USP44: variants seen among roughly 807,000 people sequenced by gnomAD.
USP44 encodes ubiquitin specific peptidase 44.
Under a neutral mutation model 69.0 loss-of-function variants are expected in USP44, and 61 were observed. The ratio of observed to expected loss-of-function variants is 0.88; its 90% CI spans 0.72 to 1.09. USP44 has a LOEUF of 1.09. Among genes scored for constraint, USP44 ranks in the 50% least tolerant of loss-of-function variants. The pLI is 0.00. For missense variants in USP44, 753 were observed against 849.9 expected, an observed-to-expected ratio of 0.89 and a Z score of 1.42; for synonymous variants, 297 against 295.4, an observed-to-expected ratio of 1.01 and a Z score of -0.06.
In USP44 at chr12:95,543,983, A is replaced by G. The variant is rs546884200; in HGVS notation, c.-71+7289T>C. Among the ~76,000 whole-genome samples the G allele has an allele frequency of 1.1e-3, 170 of 148,992 alleles. 1 individual carries two copies. In the East Asian group the frequency reaches 0.024, roughly 21 times the overall value. Reference sequence around the variant, plus strand: ...CTGCATCTCAAAAAAAAAAAAAAAAAAAAAAAGAAAAAAACCCAAAACAAA... The same window carrying G: ...CTGCATCTCAAAAAAAAAAAAAAAAGAAAAAAGAAAAAAACCCAAAACAAA... On this transcript the variant is annotated intron_variant, in intron 1 of 5. Transcript: ENST00000258499.
chr12:95,529,869 GAT>G (rs1337374553), intron 2 of USP44, among the ~76,000 whole-genome samples: 2 of 152,048 alleles, frequency 1.3e-5, no homozygotes, highest in Non-Finnish European at 2.9e-5. Flanking sequence ...CAAAAGACAA[GAT>G]ATATGACATA....
At position 95,534,237 on chromosome 12, in the gene USP44, C is replaced by T; in HGVS notation, c.20G>A (p.Cys7Tyr). 1.9e-6 allele frequency: 3 copies of T among 1,610,884 alleles called. No homozygotes were observed. Among genetic ancestry groups the T allele is most frequent in the Non-Finnish European group, 2.5e-6 (3 of 1,177,658 alleles). ...AAGCTGCAGCTGCCCAACATGTTTG[C>T]ACGTATCCATTGCTAGCATTTATTT... MLAMDT[C>Y]KHVGQLQLAQ... Residue 7 changes from cysteine to tyrosine, a missense_variant, in exon 2 of 6, where the codon TGC (cysteine) becomes TAC (tyrosine). Cys to Tyr is a radical substitution (Grantham distance 194, BLOSUM62 -2). Coordinates refer to ENST00000258499, the MANE Select transcript of USP44 (RefSeq NM_032147.5).
intron 1 of USP44, chr12:95,548,000 CG>C (rs967228190): frequency 6.6e-6 from 1 of 152,150 alleles, no homozygotes; most frequent in African/African-American, 2.4e-5. Context: ...TAAATTTGAA[CG>C]TATTAACAGG....
At chr12:95,541,772 G>A (rs867390551) in intron 1 of USP44, among the ~76,000 whole-genome samples, 20 of 151,668 alleles carry the variant, frequency 1.3e-4, no homozygotes, top group Non-Finnish European at 2.4e-4. Context: ...TCATGTGCAC[G>A]CCAGCCAAAA....
rs780606094 is a variant in USP44, at chr12:95,548,618, G to A, written c.-71+2654C>T. On this transcript the variant is annotated intron_variant, in intron 1 of 5. Coordinates refer to ENST00000258499, the MANE Select transcript of USP44 (RefSeq NM_032147.5). The surrounding 1 kb of genome is among the most constrained non-coding windows in gnomAD (Gnocchi z 4.1). ...TCCCTTCCGCGCGCCCGCAGCCCCA[G>A]GCTCTCCCTCTCTCAGGACCCCCCA... The A allele has an allele frequency of 6.6e-6, 1 of 152,374 alleles. No individual in the cohort carries two copies. The highest frequency in any genetic ancestry group is 1.5e-5 in the Non-Finnish European group (1 of 68,434). 9.4% of individuals were successfully genotyped at this position (152,374 alleles called of 1,614,324 possible).
At chr12:95,545,189 T>C (rs148463885) in intron 1 of USP44, among the ~76,000 whole-genome samples, 79 of 152,012 alleles carry the variant, frequency 5.2e-4, no homozygotes, top group Middle Eastern at 3.4e-3. Context: ...GGAACACATA[T>C]ACATTCTAAC....
At position 95,518,367 on chromosome 12, in the gene USP44, C is replaced by A. The variant is rs2076543980; in HGVS notation, c.1940-14G>T. 6.2e-7 allele frequency: 1 copy of A among 1,612,646 alleles called. No homozygotes were observed. Among genetic ancestry groups the A allele is most frequent in the Admixed American group, 1.7e-5 (1 of 59,878 alleles). On this transcript the variant is annotated splice_polypyrimidine_tract_variant and intron_variant, in intron 5 of 5. Coordinates refer to ENST00000258499, the MANE Select transcript of USP44 (RefSeq NM_032147.5). ...GTACCCAGAACCCTAGAGTGAAGCA[C>A]AGAAATACATTTATGAAGGGACTTT...
rs540578599 is a variant in USP44 at position 95,520,205 on chromosome 12, A to C, written c.1939+792T>G. ...GTTCAACAGTAAGTATCAAAAGGGG[A>C]AGTAAGGCTGGGTGTGGTGGCTCAT... On this transcript the variant is annotated intron_variant, in intron 5 of 5. Transcript: ENST00000258499. 9.3e-5 allele frequency among the ~76,000 whole-genome samples: 14 copies of C among 151,298 alleles called. No individual in the cohort carries two copies. In the South Asian group the frequency reaches 1.5e-3, roughly 16 times the overall value.
intron 1 of USP44, among the ~76,000 whole-genome samples, chr12:95,539,238 T>G (rs1467873988): frequency 6.6e-6 from 1 of 151,806 alleles, no homozygotes; most frequent in Non-Finnish European, 1.5e-5. Flanking sequence ...TTTTGTTTTT[T>G]TTTTTGAGAC....
At chr12:95,543,406 C>CAAAAAAAAA (rs60127958) in intron 1 of USP44, among the ~76,000 whole-genome samples, 1 of 43,166 alleles carries the variant, frequency 2.3e-5, no homozygotes. Flanking sequence ...GACTCTTTCT[C>CAAAAAAAAA]AAAAAAAAAA....
At chr12:95,528,754 GTTTCTCTTTATCATTCCTAGGAAAGCA>G in intron 3 of USP44, 26 bp downstream of exon 3, 11 of 1,513,332 alleles carry the variant, frequency 7.3e-6, no homozygotes, top group Non-Finnish European at 9.8e-6. Context: ...TCTCATCTGC[GTTTCTCTTTATCATTCCTAGGAAAGCA>G]CCAAGAACAC....
rs145981912 is a variant in USP44 at position 95,526,521 on chromosome 12, G to A, written c.1625-1733C>T. 1.4e-4 allele frequency among the ~76,000 whole-genome samples: 22 copies of A among 152,236 alleles called. No individual in the cohort carries two copies. In the South Asian group the frequency reaches 1.7e-3, roughly 11 times the overall value. ...CAGGAGGCGGAGCTTGCAGTGAGCC[G>A]AGACTGTGCCACTGCACTCCAGCAT... On this transcript the variant is annotated intron_variant, in intron 3 of 5. Coordinates refer to ENST00000258499, the MANE Select transcript of USP44 (RefSeq NM_032147.5).
chr12:95,528,824 AC>A lies in USP44; in HGVS notation c.1606del (p.Val536TyrfsTer27). 6.2e-7 allele frequency: 1 copy of A among 1,613,898 alleles called. No individual in the cohort carries two copies. Among genetic ancestry groups the A allele is most frequent in the Non-Finnish European group, 8.5e-7 (1 of 1,179,972 alleles). On this transcript the variant is annotated frameshift_variant, in exon 3 of 6. Coordinates refer to ENST00000258499, the MANE Select transcript of USP44 (RefSeq NM_032147.5). LOFTEE classifies it high-confidence loss of function. ...ETEALEGKIYVCDQCNSKRRR... is the reference protein window; with the variant it reads ...ETEALEGKIYXCDQCNSKRRR... ...TTACTCACAGTTACACTGGTCACAT[AC>A]GTAGATTTTTCCTTCTAAAGCTTCA...
At chr12:95,520,007 CAAAAAAAAAAAAAAAA>C (rs56348745) in intron 5 of USP44, among the ~76,000 whole-genome samples, 32 of 34,508 alleles carry the variant, frequency 9.3e-4, no homozygotes, top group Non-Finnish European at 1.3e-3. Flanking sequence ...GACTCTGTCT[CAAAAAAAAAAAAAAAA>C]AAAAAAAAAA....
At chr12:95,524,490 C>G (rs150405252) in intron 4 of USP44, 190 bp downstream of exon 4, 11 of 437,438 alleles carry the variant, frequency 2.5e-5, no homozygotes, top group Non-Finnish European at 2.8e-5. Flanking sequence ...GAGTGAGACT[C>G]GATCTCTAAA....
intron 2 of USP44, 115 bp from the exon 3 acceptor site, chr12:95,529,117 G>T: frequency 3.4e-6 from 3 of 880,804 alleles, no homozygotes; most frequent in Non-Finnish European, 3.2e-6. Flanking sequence ...GCACCATTAG[G>T]ATTCTGAATA....
intron 1 of USP44, among the ~76,000 whole-genome samples, chr12:95,535,645 T>C (rs1478150889): frequency 6.6e-6 from 1 of 152,176 alleles, no homozygotes; most frequent in African/African-American, 2.4e-5. Context: ...CCTTTATCAG[T>C]TAAAGTCAGG....
intron 3 of USP44, among the ~76,000 whole-genome samples, chr12:95,527,401 C>T (rs114521553): frequency 3.3e-5 from 5 of 151,738 alleles, no homozygotes; most frequent in South Asian, 2.1e-4. Flanking sequence ...AGCCCACACT[C>T]GATCATTATT....
At chr12:95,532,700 T>C (rs552451677) in intron 2 of USP44, 129 bp downstream of exon 2, 1 of 747,802 alleles carries the variant, frequency 1.3e-6, no homozygotes, top group Non-Finnish European at 2.1e-6. Flanking sequence ...TACATATTTA[T>C]AAAAACAATC....
Sources: gnomAD v4.1 joint callset for allele counts (sites outside exome capture counted in the v4.1 genomes callset) on GRCh38, gnomAD v4.1.1 for gene constraint, Gnocchi (gnomAD v3.1) non-coding constraint, MANE v1.5 for transcripts, NCBI Gene and HGNC (gene_info 2026-07-23, HGNC 2026-07-21) for gene names.